The following SORL1 variants were observed in gnomAD, a reference collection of about 807,000 sequenced individuals.
SORL1 encodes the protein sortilin related receptor 1, also known as sortilin-related receptor.
SORL1 carries 127 observed loss-of-function variants against 273.7 expected under a neutral mutation model. That is an observed-to-expected ratio of 0.46 (90% CI 0.40 to 0.54). The LOEUF is 0.54. Among genes scored for constraint, SORL1 ranks in the 20% least tolerant of loss-of-function variants. The pLI is 0.00. For synonymous variants in SORL1, 1,031 were observed against 1,067.4 expected (o/e 0.97, Z 0.66); for missense variants, 2,494 against 2,846.1 (o/e 0.88, Z 2.81).
At chr11:121,583,237 G>A (rs1471732427) in intron 25 of SORL1, among the ~76,000 whole-genome samples, 1 of 152,194 alleles carries the variant, frequency 6.6e-6, no homozygotes, top group Non-Finnish European at 1.5e-5. Flanking sequence ...CCTGGGCAAT[G>A]GCCTGGGTCA....
Position 121,488,177 on chromosome 11 carries a change from C to T in SORL1, c.674C>T (p.Ser225Phe). 2 of 1,614,004 alleles carry T rather than the reference C, an allele frequency of 1.2e-6. No homozygotes were observed. The highest frequency in any genetic ancestry group is 1.7e-6 in the Non-Finnish European group (2 of 1,179,960). Reference sequence around the variant, plus strand: ...AACCTTCTCTTGGGCTTTGACAGGTCCCACCCCAACAAGCAGGTAAGAGGG... The same window carrying T: ...AACCTTCTCTTGGGCTTTGACAGGTTCCACCCCAACAAGCAGGTAAGAGGG... ...ASNLLLGFDR[S>F]HPNKQLWKSD... Residue 225 changes from serine to phenylalanine, a missense_variant, in exon 4 of 48, where the codon TCC becomes TTC. Ser to Phe is a radical substitution (Grantham distance 155). Transcript: ENST00000260197.
At chr11:121,626,457 T>C (rs1863796377) in intron 46 of SORL1, 1 of 152,214 alleles carries the variant, frequency 6.6e-6, no homozygotes, top group African/African-American at 2.4e-5. Context: ...GCTAGAGTTT[T>C]TTTTTTTTTC....
chr11:121,553,173 T>C (rs1862529254), intron 16 of SORL1, among the ~76,000 whole-genome samples: 1 of 152,206 alleles, frequency 6.6e-6, no homozygotes, highest in East Asian at 1.9e-4. Context: ...CACTTGCTAG[T>C]TGTGTGACCT....
At position 121,633,065 on chromosome 11, in the gene SORL1, T is replaced by C. The variant is rs1177260060; in HGVS notation, c.*3502T>C. 2.6e-5 allele frequency: 4 copies of C among 152,232 alleles called. No individual in the cohort carries two copies. The highest frequency in any genetic ancestry group is 2.6e-4 in the Admixed American group (4 of 15,290). The allele number at this position is 152,232 out of a possible 1,614,324, so 9.4% of individuals were successfully genotyped here. ...AGTGTGTGCTGCCTTTCAGGTACAA[T>C]TTTTGTGTAATAAAAGCCAGTGCAT... On this transcript the variant is annotated 3_prime_UTR_variant, in exon 48 of 48. Transcript: ENST00000260197.
chr11:121,505,985 C>G (rs1861780697), intron 6 of SORL1, among the ~76,000 whole-genome samples: 1 of 152,096 alleles, frequency 6.6e-6, no homozygotes. Context: ...TGGTGATGTT[C>G]AGTTTATCTT....
In SORL1 at chr11:121,522,729, A is replaced by C. The variant is rs1308355951; in HGVS notation, c.1522+26A>C. 8 of 1,572,884 alleles carry C rather than the reference A, an allele frequency of 5.1e-6. No individual in the cohort carries two copies. The African/African-American group carries it at 6.8e-5, about 13-fold the overall frequency. ...GTAAGTGTGCTTGCCTGTTCTCAAA[A>C]GGGGTTCAGCTGTCTGGTGATGTGC... On this transcript the variant is annotated intron_variant, in intron 10 of 47. Coordinates refer to ENST00000260197, the MANE Select transcript of SORL1 (RefSeq NM_003105.6).
intron 23 of SORL1, among the ~76,000 whole-genome samples, chr11:121,571,484 G>A (rs547228037): frequency 1.3e-4 from 20 of 152,390 alleles, no homozygotes; most frequent in South Asian, 2.1e-4. Flanking sequence ...GGCAGAATGC[G>A]TTTGATGGAG....
At chr11:121,461,363 C>T (rs1210932387) in intron 1 of SORL1, among the ~76,000 whole-genome samples, 1 of 152,110 alleles carries the variant, frequency 6.6e-6, no homozygotes, top group African/African-American at 2.4e-5. Context: ...GGTGAAAGAG[C>T]TATCTAAACA....
chr11:121,533,596 T>A (rs1250962879), intron 12 of SORL1, among the ~76,000 whole-genome samples: 1 of 152,218 alleles, frequency 6.6e-6, no homozygotes, highest in African/African-American at 2.4e-5. Flanking sequence ...GATGGATTGG[T>A]GAAGGATCTG....
At chr11:121,544,199 C>T (rs1243790412) in intron 13 of SORL1, among the ~76,000 whole-genome samples, 1 of 152,040 alleles carries the variant, frequency 6.6e-6, no homozygotes, top group Non-Finnish European at 1.5e-5. Flanking sequence ...GCATCCTCTC[C>T]CTGCTTCCCC....
intron 6 of SORL1, 46 bp downstream of exon 6, chr11:121,497,095 G>A: frequency 6.5e-7 from 1 of 1,537,212 alleles, no homozygotes; most frequent in South Asian, 1.1e-5. Flanking sequence ...AGTTTCCTTT[G>A]TGAAGTTTGG....
At chr11:121,574,192 G>T in intron 23 of SORL1, 49 bp from the exon 24 acceptor site, 3 of 1,588,136 alleles carry the variant, frequency 1.9e-6, no homozygotes, top group Non-Finnish European at 2.6e-6. Context: ...TACATTTGTG[G>T]GAAATCAATT....
At chr11:121,584,355 T>C (rs1203899033) in intron 26 of SORL1, among the ~76,000 whole-genome samples, 1 of 152,270 alleles carries the variant, frequency 6.6e-6, no homozygotes, top group Non-Finnish European at 1.5e-5. Flanking sequence ...GTTTGCCTCA[T>C]GTAGTTTTGA....
chr11:121,592,700 A>C (rs980282551), intron 31 of SORL1, among the ~76,000 whole-genome samples: 1 of 152,244 alleles, frequency 6.6e-6, no homozygotes, highest in African/African-American at 2.4e-5. Context: ...TGTCTCCTAC[A>C]ATAATAGGCA....
intron 38 of SORL1, chr11:121,610,427 T>C (rs183380655): frequency 2.0e-5 from 3 of 152,322 alleles, no homozygotes; most frequent in East Asian, 1.9e-4. Context: ...AGTTGTTTAG[T>C]TGGCCATATG....
intron 26 of SORL1, among the ~76,000 whole-genome samples, chr11:121,585,187 T>TA (rs1171078399): frequency 6.6e-6 from 1 of 152,182 alleles, no homozygotes; most frequent in African/African-American, 2.4e-5. Context: ...CTTTTTCTTC[T>TA]AAAAAATATA....
intron 20 of SORL1, among the ~76,000 whole-genome samples, 165 bp from the exon 21 acceptor site, chr11:121,559,354 T>G (rs935248430): frequency 1.3e-5 from 2 of 152,130 alleles, no homozygotes; most frequent in Admixed American, 1.3e-4. Flanking sequence ...TATGGTGAGG[T>G]TTGGATAAAA....
intron 38 of SORL1, chr11:121,610,873 T>C: frequency 2.0e-6 from 1 of 499,604 alleles, no homozygotes; most frequent in Non-Finnish European, 3.6e-6. Flanking sequence ...CAAGATAGTT[T>C]TGTGTTCACC....
intron 6 of SORL1, among the ~76,000 whole-genome samples, chr11:121,503,471 T>C (rs902579321): frequency 1.3e-5 from 2 of 152,148 alleles, no homozygotes; most frequent in Non-Finnish European, 1.5e-5. Context: ...TTCTCATAAA[T>C]ATGAGAATTT....
Sources: allele counts gnomAD v4.1 joint callset (sites outside exome capture counted in the v4.1 genomes callset), GRCh38; gene constraint gnomAD v4.1.1; transcripts MANE v1.5; gene names NCBI Gene and HGNC (gene_info 2026-07-23, HGNC 2026-07-21).